The following HCRTR2 variants were observed in gnomAD, a reference collection of about 807,000 sequenced individuals.
The protein encoded by HCRTR2 is orexin receptor type 2.
A neutral mutation model predicts 49.0 loss-of-function variants in HCRTR2; 22 were observed. The observed-to-expected ratio is 0.45, with a 90% CI of 0.32 to 0.64. The LOEUF is 0.64. Among genes scored for constraint, HCRTR2 ranks in the 30% least tolerant of loss-of-function variants. The probability of loss-of-function intolerance (pLI) is 0.04; values close to 1 mark genes in which losing one functional copy is unlikely to be tolerated. For synonymous variants in HCRTR2, 236 were observed against 205.3 expected, an observed-to-expected ratio of 1.15 and a Z score of -1.28; for missense variants, 491 against 559.4, an observed-to-expected ratio of 0.88 and a Z score of 1.23.
intron 1 of HCRTR2, among the ~76,000 whole-genome samples, chr6:55,158,307 C>A (rs1376567606): frequency 1.3e-5 from 2 of 152,164 alleles, no homozygotes; most frequent in East Asian, 1.9e-4. Flanking sequence ...TCTTCACAAC[C>A]CTCAGGCCAG....
chr6:55,277,181 A>G (rs1010596455), intron 4 of HCRTR2, among the ~76,000 whole-genome samples, 199 bp from the exon 5 acceptor site: 1 of 152,034 alleles, frequency 6.6e-6, no homozygotes, highest in Non-Finnish European at 1.5e-5. Context: ...TTTTTTCCAC[A>G]CAAACTCCTA....
At chr6:55,258,965 C>T (rs145379982) in intron 3 of HCRTR2, among the ~76,000 whole-genome samples, 5 of 152,182 alleles carry the variant, frequency 3.3e-5, no homozygotes, top group East Asian at 3.9e-4. Flanking sequence ...GCAGGACAAT[C>T]GCTTGAAACC....
At chr6:55,141,858 T>C (rs192632551) in intron 1 of HCRTR2, among the ~76,000 whole-genome samples, 1 of 152,274 alleles carries the variant, frequency 6.6e-6, no homozygotes, top group East Asian at 1.9e-4. Context: ...ACAAAGGAAT[T>C]ATTGCTAAAG....
intron 1 of HCRTR2, among the ~76,000 whole-genome samples, chr6:55,145,746 C>T (rs1764572670): frequency 6.6e-6 from 1 of 151,950 alleles, no homozygotes. Context: ...ACCTCCTTTA[C>T]ACTTTCTCCC....
intron 1 of HCRTR2, among the ~76,000 whole-genome samples, chr6:55,245,369 GTGTA>G (rs1358543494): frequency 1.5e-5 from 2 of 129,766 alleles, no homozygotes; most frequent in Non-Finnish European, 3.3e-5. Context: ...CGATGTGTGT[GTGTA>G]TATATATATA....
intron 1 of HCRTR2, among the ~76,000 whole-genome samples, chr6:55,226,688 T>C (rs1766010954): frequency 6.7e-6 from 1 of 150,250 alleles, no homozygotes; most frequent in African/African-American, 2.5e-5. Flanking sequence ...GCTCTGCTTG[T>C]AGAGTGATAC....
intron 1 of HCRTR2, among the ~76,000 whole-genome samples, chr6:55,189,556 T>C (rs1581818012): frequency 6.6e-6 from 1 of 152,150 alleles, no homozygotes; most frequent in Non-Finnish European, 1.5e-5. Context: ...AACTAAACAC[T>C]GCATGTTCTC....
intron 1 of HCRTR2, among the ~76,000 whole-genome samples, chr6:55,246,820 A>G (rs919302712): frequency 1.3e-5 from 2 of 152,108 alleles, no homozygotes; most frequent in Non-Finnish European, 2.9e-5. Flanking sequence ...AATTTAAAAA[A>G]TGCTTAGAAC....
chr6:55,226,805 G>A (rs886802806), intron 1 of HCRTR2, among the ~76,000 whole-genome samples: 3 of 127,908 alleles, frequency 2.3e-5, no homozygotes, highest in Non-Finnish European at 3.1e-5. Flanking sequence ...TGAAAGCTCC[G>A]CCTCCCGGGT....
At chr6:55,269,891 G>A (rs1766939292) in intron 4 of HCRTR2, among the ~76,000 whole-genome samples, 1 of 152,172 alleles carries the variant, frequency 6.6e-6, no homozygotes, top group South Asian at 2.1e-4. Flanking sequence ...TTGAGCCTCA[G>A]AGGTGGAGGC....
At chr6:55,162,609 C>T (rs1581801450) in intron 1 of HCRTR2, among the ~76,000 whole-genome samples, 1 of 152,190 alleles carries the variant, frequency 6.6e-6, no homozygotes, top group African/African-American at 2.4e-5. Context: ...AGCCCAAAAT[C>T]TCCTTAAGCT....
intron 2 of HCRTR2, among the ~76,000 whole-genome samples, chr6:55,249,948 C>T (rs1766517292): frequency 6.6e-6 from 1 of 151,884 alleles, no homozygotes; most frequent in African/African-American, 2.4e-5. Context: ...AAATAAGCTC[C>T]CAGTAACAAA....
At chr6:55,255,633 T>C (rs899770326) in intron 3 of HCRTR2, among the ~76,000 whole-genome samples, 10 of 152,202 alleles carry the variant, frequency 6.6e-5, no homozygotes, top group African/African-American at 1.9e-4. Context: ...AAGGAGATTA[T>C]TCTACAATTC....
rs755958321 is a variant in HCRTR2, at chr6:55,263,698, T to C, written c.647-9T>C. The C allele has an allele frequency of 2.0e-6, 3 of 1,510,202 alleles. No homozygotes were observed. In the Admixed American group the frequency reaches 5.0e-5, roughly 25 times the overall value. The allele number at this position is 1,510,202 out of a possible 1,614,324, so 93.6% of individuals were successfully genotyped here. On this transcript the variant is annotated splice_polypyrimidine_tract_variant and intron_variant, in intron 3 of 6. Transcript: ENST00000370862. ...ACGTAAGGTTTTGTTGTTTTGACTT[T>C]CATCCTAGGTGAAATTTATCCCAAG...
chr6:55,171,430 G>A (rs1764948040), upstream of HCRTR2, among the ~76,000 whole-genome samples: 1 of 152,094 alleles, frequency 6.6e-6, no homozygotes, highest in Non-Finnish European at 1.5e-5. Flanking sequence ...TTGAATTGAA[G>A]AGAAGAGTAA....
At chr6:55,138,966 C>T (rs1764470644) in intron 1 of HCRTR2, among the ~76,000 whole-genome samples, 1 of 152,184 alleles carries the variant, frequency 6.6e-6, no homozygotes, top group Admixed American at 6.5e-5. Flanking sequence ...GAAGCCCTCT[C>T]TGAGGAGTTG....
intron 4 of HCRTR2, among the ~76,000 whole-genome samples, chr6:55,273,515 T>C (rs1767014507): frequency 6.6e-6 from 1 of 152,128 alleles, no homozygotes; most frequent in Admixed American, 6.6e-5. Context: ...ATTTGTCATC[T>C]TTTTCTCACT....
chr6:55,160,544 T>C (rs1764791336), intron 1 of HCRTR2, among the ~76,000 whole-genome samples: 1 of 152,100 alleles, frequency 6.6e-6, no homozygotes, highest in South Asian at 2.1e-4. Context: ...GACTGGCAAA[T>C]TGGATAGAGA....
intron 1 of HCRTR2, among the ~76,000 whole-genome samples, chr6:55,211,392 G>A (rs903456517): frequency 3.3e-5 from 5 of 152,200 alleles, no homozygotes; most frequent in African/African-American, 1.2e-4. Flanking sequence ...GTATAAGCCA[G>A]ATTACTGTTA....
Sources: gnomAD v4.1 joint callset for allele counts (sites outside exome capture counted in the v4.1 genomes callset) on GRCh38, gnomAD v4.1.1 for gene constraint, MANE v1.5 for transcripts, NCBI Gene and HGNC (gene_info 2026-07-23, HGNC 2026-07-21) for gene names.